The following RBL2 variants were observed in gnomAD, a reference collection of about 807,000 sequenced individuals.
RBL2 encodes RB transcriptional corepressor like 2.
Under a neutral mutation model 126.0 loss-of-function variants are expected in RBL2, and 56 were observed. The observed-to-expected ratio is 0.44, with a 90% CI of 0.36 to 0.56. RBL2 has a LOEUF of 0.56. RBL2 is among the 20% of genes least tolerant of loss of function. The probability of loss-of-function intolerance (pLI) is 0.00; values close to 1 mark genes in which losing one functional copy is unlikely to be tolerated. For missense variants in RBL2, 1,229 were observed against 1,398.2 expected (o/e 0.88, Z 1.93); for synonymous variants, 454 against 478.5 (o/e 0.95, Z 0.67).
At chr16:53,434,957 C>G (rs902693100) in intron 1 of RBL2, among the ~76,000 whole-genome samples, 161 bp downstream of exon 1, 1 of 152,122 alleles carries the variant, frequency 6.6e-6, no homozygotes, top group East Asian at 1.9e-4. Flanking sequence ...CTTAGCCGCT[C>G]CGAGGGCTAA....
At chr16:53,484,540 T>C (rs1961085201) in intron 21 of RBL2, among the ~76,000 whole-genome samples, 1 of 152,194 alleles carries the variant, frequency 6.6e-6, no homozygotes, top group African/African-American at 2.4e-5. Flanking sequence ...TGCTACAATA[T>C]GAATGGACCT....
At chr16:53,454,525 A>G in intron 7 of RBL2, 131 bp from the exon 8 acceptor site, 1 of 836,760 alleles carries the variant, frequency 1.2e-6, no homozygotes, top group Non-Finnish European at 1.8e-6. Flanking sequence ...TCTTATAACT[A>G]CAAGTTACCC....
At chr16:53,474,879 G>C (rs1960669408) in intron 17 of RBL2, among the ~76,000 whole-genome samples, 4 of 151,656 alleles carry the variant, frequency 2.6e-5, no homozygotes, top group African/African-American at 9.7e-5. Context: ...TTTTTCCTTT[G>C]CCTTTTTTTT....
At chr16:53,475,441 C>G (rs1173568562) in intron 17 of RBL2, among the ~76,000 whole-genome samples, 1 of 152,190 alleles carries the variant, frequency 6.6e-6, no homozygotes, top group Non-Finnish European at 1.5e-5. Context: ...GTCTCAAACT[C>G]TTGGCCTCAA....
rs11075974 is a variant in RBL2, at chr16:53,444,501, C to T, written c.572+1643C>T. ...CTCAGAGTTGGAGGTTGCAGTGAGC[C>T]GAGATCACGCCACTGCACTCCAGCC... On this transcript the variant is annotated intron_variant, in intron 3 of 21. Coordinates refer to ENST00000262133, the MANE Select transcript of RBL2 (RefSeq NM_005611.4). 7.6e-3 allele frequency among the ~76,000 whole-genome samples: 1,143 copies of T among 151,278 alleles called. 21 individuals are homozygous for T. The highest frequency in any genetic ancestry group is 0.027 in the African/African-American group (1,095 of 41,122).
intron 17 of RBL2, among the ~76,000 whole-genome samples, chr16:53,472,517 CTT>C (rs1960560139): frequency 6.6e-6 from 1 of 152,144 alleles, no homozygotes; most frequent in Non-Finnish European, 1.5e-5. Context: ...TGTCAAGCAT[CTT>C]TTCATGTGCT....
chr16:53,447,257 T>G, intron 4 of RBL2, 151 bp downstream of exon 4: 1 of 477,174 alleles, frequency 2.1e-6, no homozygotes, highest in East Asian at 3.5e-5. Context: ...AAGTATTGCC[T>G]TTTCATCAAA....
intron 7 of RBL2, chr16:53,454,287 C>T (rs879236823): frequency 6.9e-6 from 3 of 437,090 alleles, no homozygotes; most frequent in South Asian, 5.1e-5. Context: ...TCACTGCAAC[C>T]TCTGCCTCCC....
chr16:53,462,539 A>G lies in RBL2; in HGVS notation c.1457-13A>G. ...CCATTTTTGTGGGGTTTTTTTTTTTATTATTTCTACAGAAATTGCCAGCAA... is the reference window on the plus strand; with the variant it reads ...CCATTTTTGTGGGGTTTTTTTTTTTGTTATTTCTACAGAAATTGCCAGCAA... On this transcript the variant is annotated splice_polypyrimidine_tract_variant and intron_variant, in intron 10 of 21. Coordinates refer to ENST00000262133, the MANE Select transcript of RBL2 (RefSeq NM_005611.4). The G allele has an allele frequency of 7.1e-7, 1 of 1,401,746 alleles. No homozygotes were observed. Among genetic ancestry groups the G allele is most frequent in the Non-Finnish European group, 9.6e-7 (1 of 1,043,830 alleles). The allele number at this position is 1,401,746 out of a possible 1,614,324, so 86.8% of individuals were successfully genotyped here.
At chr16:53,488,126 T>G (rs565077221) in intron 21 of RBL2, 1 of 152,360 alleles carries the variant, frequency 6.6e-6, no homozygotes, top group African/African-American at 2.4e-5. Context: ...ACTTTCTTCC[T>G]AATTGCCAAA....
intron 17 of RBL2, among the ~76,000 whole-genome samples, chr16:53,475,268 T>C (rs896175570): frequency 6.6e-6 from 1 of 152,244 alleles, no homozygotes; most frequent in Non-Finnish European, 1.5e-5. Context: ...CAGGCTGGAA[T>C]ACAGGGGCAT....
intron 8 of RBL2, 38 bp downstream of exon 8, chr16:53,454,880 G>A (rs1298920514): frequency 1.7e-5 from 25 of 1,507,560 alleles, no homozygotes; most frequent in Non-Finnish European, 2.2e-5. Context: ...AAATACAGGA[G>A]CAGGTAAGCC....
chr16:53,454,884 G>A (rs2058152434), intron 8 of RBL2, 42 bp downstream of exon 8: 1 of 1,478,140 alleles, frequency 6.8e-7, no homozygotes, highest in African/African-American at 1.4e-5. Flanking sequence ...ACAGGAGCAG[G>A]TAAGCCAGGG....
Position 53,470,018 on chromosome 16 carries a change from G to C in RBL2, c.2078G>C (p.Gly693Ala). 1 of 1,614,202 alleles carries C rather than the reference G, an allele frequency of 6.2e-7. No homozygotes were observed. Among genetic ancestry groups the C allele is most frequent in the South Asian group, 1.1e-5 (1 of 91,086 alleles). Residue 693 changes from glycine (G) to alanine (A), a missense_variant, in exon 15 of 22, where the codon GGG becomes GCG. Gly to Ala is a moderately conservative substitution (Grantham distance 60). This residue lies in a region of RBL2 where 1,070 missense variants were observed against 1,274.3 expected (regional missense o/e 0.84). Coordinates refer to ENST00000262133, the MANE Select transcript of RBL2 (RefSeq NM_005611.4). ...FVENDSPSDG[G>A]TPGRMPPQPL... ...GAGAATGATAGCCCCTCTGATGGAGGGACGCCTGGGCGCATGCCCCCACAG... is the reference window on the plus strand; with the variant it reads ...GAGAATGATAGCCCCTCTGATGGAGCGACGCCTGGGCGCATGCCCCCACAG...
chr16:53,485,979 A>T (rs1022337000), intron 21 of RBL2, among the ~76,000 whole-genome samples: 1 of 152,114 alleles, frequency 6.6e-6, no homozygotes, highest in Non-Finnish European at 1.5e-5. Context: ...CATTAAAAGT[A>T]TAATGAAAGA....
chr16:53,454,599 A>G, intron 7 of RBL2, 57 bp from the exon 8 acceptor site: 1 of 1,388,990 alleles, frequency 7.2e-7, no homozygotes, highest in Non-Finnish European at 9.9e-7. Flanking sequence ...GAAATAATTA[A>G]TTGAAATGGC....
intron 21 of RBL2, chr16:53,489,499 G>GCC (rs11454643): frequency 6.6e-6 from 1 of 152,076 alleles, no homozygotes; most frequent in East Asian, 1.9e-4. Flanking sequence ...TGTACAGCCA[G>GCC]CCCCAGTCTT....
chr16:53,435,026 T>C (rs1460623772), intron 1 of RBL2, among the ~76,000 whole-genome samples: 1 of 152,230 alleles, frequency 6.6e-6, no homozygotes, highest in East Asian at 1.9e-4. Flanking sequence ...TGCCCTAAAG[T>C]AGCACAGCAA....
intron 2 of RBL2, among the ~76,000 whole-genome samples, chr16:53,440,953 CTTTTTTTTTTT>C (rs1178378934): frequency 2.7e-4 from 19 of 71,664 alleles, no homozygotes; most frequent in African/African-American, 1.1e-3. Context: ...TTTTTCAGTT[CTTTTTTTTTTT>C]TTTTTTTTTT....
Sources: gnomAD v4.1 joint callset for allele counts (sites outside exome capture counted in the v4.1 genomes callset) on GRCh38, gnomAD v4.1.1 for gene constraint, gnomAD v4.1.1 regional missense constraint, MANE v1.5 for transcripts, NCBI Gene and HGNC (gene_info 2026-07-23, HGNC 2026-07-21) for gene names.